UIMC1: variants seen among roughly 807,000 people sequenced by gnomAD.
The protein encoded by UIMC1 is ubiquitin interaction motif containing 1.
In UIMC1, 42 loss-of-function variants were observed where a neutral mutation model predicts 84.9. That is an observed-to-expected ratio of 0.49 (90% confidence interval 0.39 to 0.64). The LOEUF (loss-of-function observed/expected upper bound fraction) is 0.64, where lower values mean the gene tolerates loss of function less well. Ranked by LOEUF, UIMC1 falls within the 30% of genes least tolerant of loss-of-function variation. UIMC1 has a pLI of 0.00. For missense variants in UIMC1, 825 were observed against 847.6 expected (o/e 0.97, Z 0.33); for synonymous variants, 281 against 293.0 (o/e 0.96, Z 0.42).
chr5:177,018,751 C>T (rs1224361746), intron 1 of UIMC1, among the ~76,000 whole-genome samples: 1 of 152,198 alleles, frequency 6.6e-6, no homozygotes, highest in Non-Finnish European at 1.5e-5. Flanking sequence ...AGACCCTCAG[C>T]AGGGTAGCTC....
chr5:176,966,477 C>T (rs1273073198), intron 6 of UIMC1, among the ~76,000 whole-genome samples: 6 of 152,058 alleles, frequency 3.9e-5, no homozygotes, highest in African/African-American at 1.4e-4. Flanking sequence ...ACAAGAAAGA[C>T]AGAATAACAT....
At chr5:176,991,359 C>T (rs1433049232) in intron 1 of UIMC1, among the ~76,000 whole-genome samples, 1 of 151,830 alleles carries the variant, frequency 6.6e-6, no homozygotes, top group African/African-American at 2.4e-5. Flanking sequence ...TCTGCTACTA[C>T]CATAATGAAG....
chr5:176,979,116 C>T (rs1406179932), intron 2 of UIMC1, among the ~76,000 whole-genome samples: 2 of 152,122 alleles, frequency 1.3e-5, no homozygotes, highest in Non-Finnish European at 2.9e-5. Context: ...GAGACACACC[C>T]ATTTATAAAC....
chr5:177,012,753 T>A (rs1464343227), intron 1 of UIMC1, among the ~76,000 whole-genome samples: 1 of 151,778 alleles, frequency 6.6e-6, no homozygotes, highest in Non-Finnish European at 1.5e-5. Flanking sequence ...AAAAAATAAA[T>A]TATTCCATAA....
chr5:176,949,671 G>C (rs1227453023), intron 9 of UIMC1, among the ~76,000 whole-genome samples: 1 of 152,324 alleles, frequency 6.6e-6, no homozygotes, highest in Admixed American at 6.5e-5. Context: ...CAGAGAACCA[G>C]GCAGTGTGCA....
At chr5:176,942,177 C>T (rs183834479) in intron 10 of UIMC1, among the ~76,000 whole-genome samples, 15 of 152,114 alleles carry the variant, frequency 9.9e-5, no homozygotes, top group Admixed American at 2.6e-4. Flanking sequence ...AACAGCTCCT[C>T]GGTAACTCAG....
chr5:176,923,036 G>A (rs1761899037), intron 10 of UIMC1, among the ~76,000 whole-genome samples: 1 of 152,210 alleles, frequency 6.6e-6, no homozygotes, highest in Non-Finnish European at 1.5e-5. Flanking sequence ...GGTATTTATA[G>A]GCTTCAAGCC....
intron 6 of UIMC1, among the ~76,000 whole-genome samples, chr5:176,959,219 AG>A (rs1366300792): frequency 4.6e-5 from 7 of 152,220 alleles, no homozygotes; most frequent in Admixed American, 2.0e-4. Context: ...CTTTGAACTC[AG>A]GGGTGACAAG....
intron 1 of UIMC1, among the ~76,000 whole-genome samples, chr5:177,019,206 T>C (rs1036942559): frequency 6.6e-6 from 1 of 152,240 alleles, no homozygotes; most frequent in South Asian, 2.1e-4. Flanking sequence ...CATGGGCTCG[T>C]ACCTAACTAG....
At chr5:176,907,749 T>C (rs1235961780) in intron 12 of UIMC1, among the ~76,000 whole-genome samples, 1 of 152,234 alleles carries the variant, frequency 6.6e-6, no homozygotes, top group Non-Finnish European at 1.5e-5. Flanking sequence ...ACAGAGTTGA[T>C]CTCACATATA....
chr5:176,978,692 A>G (rs912990526), intron 2 of UIMC1, among the ~76,000 whole-genome samples: 27 of 152,174 alleles, frequency 1.8e-4, no homozygotes, highest in Non-Finnish European at 1.2e-4. Flanking sequence ...TTTATTTCAG[A>G]AATGCAAAGA....
chr5:176,921,018 C>G (rs1266365054), intron 10 of UIMC1, among the ~76,000 whole-genome samples: 1 of 152,186 alleles, frequency 6.6e-6, no homozygotes, highest in Non-Finnish European at 1.5e-5. Context: ...AATGCTTTTT[C>G]TGTGTCCATT....
At chr5:176,981,258 A>C (rs1771005399) in intron 2 of UIMC1, among the ~76,000 whole-genome samples, 1 of 145,394 alleles carries the variant, frequency 6.9e-6, no homozygotes, top group South Asian at 2.2e-4. Flanking sequence ...AATTCTCCTG[A>C]CTCAGCCTCC....
intron 1 of UIMC1, among the ~76,000 whole-genome samples, chr5:177,021,671 A>C (rs984315287): frequency 1.4e-5 from 2 of 147,204 alleles, no homozygotes; most frequent in African/African-American, 5.0e-5. Context: ...TTTTTTTTTT[A>C]GTCGGAGTTT....
At chr5:176,944,535 T>C (rs1042837784) in intron 9 of UIMC1, among the ~76,000 whole-genome samples, 1 of 152,250 alleles carries the variant, frequency 6.6e-6, no homozygotes, top group African/African-American at 2.4e-5. Flanking sequence ...GCATAGCTAC[T>C]GCTTACATTT....
chr5:176,969,939 G>A, intron 4 of UIMC1: 1 of 434,902 alleles, frequency 2.3e-6, no homozygotes, highest in South Asian at 3.4e-5. Flanking sequence ...ATAAAAAGAT[G>A]GTTCAGGACC....
chr5:176,957,775 T>G (rs550997577), intron 7 of UIMC1, among the ~76,000 whole-genome samples: 1 of 152,208 alleles, frequency 6.6e-6, no homozygotes, highest in African/African-American at 2.4e-5. Flanking sequence ...CAAATTGGCA[T>G]AGAAAACTAG....
rs767469340 is a variant in UIMC1, at chr5:176,911,353, C to T, written c.1634G>A (p.Ser545Asn). The T allele has an allele frequency of 3.1e-6, 5 of 1,599,820 alleles. No individual in the cohort carries two copies. Among genetic ancestry groups the T allele is most frequent in the Middle Eastern group, 1.7e-4 (1 of 6,018 alleles). Residue 545 changes from serine (S) to asparagine (N), a missense_variant, in exon 11 of 15, where the codon AGT becomes AAT. Physicochemically the swap from Ser to Asn is conservative, Grantham distance 46. Transcript: ENST00000511320. ...TRRQKEAKTK[S>N]DSGTAAQTSL... ...AGTCTGGGCAGCTGTCCCACTGTCA[C>T]TCTTGGTCTTGGCCTCTTTTTGTCT...
At chr5:177,011,701 C>T (rs1775551708), upstream of UIMC1, among the ~76,000 whole-genome samples, 1 of 152,082 alleles carries the variant, frequency 6.6e-6, no homozygotes, top group South Asian at 2.1e-4. Context: ...GCACAGGCAA[C>T]ACGGTGAAAA....
Sources: gnomAD v4.1 joint callset for allele counts (sites outside exome capture counted in the v4.1 genomes callset) on GRCh38, gnomAD v4.1.1 for gene constraint, MANE v1.5 for transcripts, NCBI Gene and HGNC (gene_info 2026-07-23, HGNC 2026-07-21) for gene names.